BMP2K: variants seen among roughly 807,000 people sequenced by gnomAD.
BMP2K encodes the protein BMP2 inducible kinase, also known as BMP-2-inducible protein kinase.
A neutral mutation model predicts 116.0 loss-of-function variants in BMP2K; 74 were observed. The ratio of observed to expected loss-of-function variants is 0.64; its 90% CI spans 0.53 to 0.77. The LOEUF is 0.77. Among genes scored for constraint, BMP2K ranks in the 30% least tolerant of loss-of-function variants. The pLI is 0.00. For synonymous variants in BMP2K, 486 were observed against 502.5 expected, an observed-to-expected ratio of 0.97 and a Z score of 0.44; for missense variants, 1,365 against 1,403.6, an observed-to-expected ratio of 0.97 and a Z score of 0.44.
At chr4:78,851,162 T>C (rs770904934) in intron 7 of BMP2K, 106 bp downstream of exon 7, 8 of 1,189,550 alleles carry the variant, frequency 6.7e-6, no homozygotes, top group Non-Finnish European at 8.9e-6. Flanking sequence ...ATATGAAAAT[T>C]TTGTGAAACT....
chr4:78,788,379 T>TC (rs2109928357), intron 1 of BMP2K, among the ~76,000 whole-genome samples: 1 of 150,812 alleles, frequency 6.6e-6, no homozygotes, highest in East Asian at 1.9e-4. Flanking sequence ...TCTAAGGATT[T>TC]TTTTTTTTTT....
At chr4:78,823,016 A>G (rs1729696454) in intron 1 of BMP2K, among the ~76,000 whole-genome samples, 1 of 152,178 alleles carries the variant, frequency 6.6e-6, no homozygotes, top group African/African-American at 2.4e-5. Flanking sequence ...AAAAGATAGT[A>G]CTGGGGAAAA....
intron 3 of BMP2K, among the ~76,000 whole-genome samples, chr4:78,839,075 TAAA>T (rs1205562760): frequency 6.6e-6 from 1 of 152,126 alleles, no homozygotes; most frequent in Non-Finnish European, 1.5e-5. Context: ...TTTGCTTAAT[TAAA>T]AAAAATTCCA....
Position 78,847,257 on chromosome 4 carries a change from G to C in BMP2K, c.738G>C (p.Lys246Asn), listed in dbSNP as rs759809501. ...ATGGAGGGAAACCCATCACCACCAA[G>C]GCTGATATCTGGGTAAGGCCAAGAA... ...NLYGGKPITT[K>N]ADIWALGCLL... Residue 246 changes from lysine (K) to asparagine (N), a missense_variant, in exon 6 of 16, where the codon AAG becomes AAC. Transcript: ENST00000502613. 30 of 1,591,548 alleles carry C rather than the reference G, an allele frequency of 1.9e-5. No homozygotes were observed. The highest frequency in any genetic ancestry group is 2.5e-5 in the Non-Finnish European group (29 of 1,167,834).
chr4:78,823,385 C>G (rs938640445), intron 1 of BMP2K, among the ~76,000 whole-genome samples: 11 of 151,586 alleles, frequency 7.3e-5, no homozygotes, highest in African/African-American at 2.4e-4. Context: ...TGGGGGAACT[C>G]TTTTCCCTCT....
At chr4:78,779,897 A>G (rs989865557) in intron 1 of BMP2K, among the ~76,000 whole-genome samples, 2 of 152,208 alleles carry the variant, frequency 1.3e-5, no homozygotes, top group African/African-American at 2.4e-5. Flanking sequence ...GACTGATAAC[A>G]TAGTGAGGCA....
At position 78,871,916 on chromosome 4, in the gene BMP2K, C is replaced by T. The variant is rs1339058626; in HGVS notation, c.1576C>T (p.Pro526Ser). Residue 526 changes from proline to serine, a missense_variant, in exon 12 of 16, where the codon CCA (proline) becomes TCA (serine). Pro to Ser is a moderately conservative substitution (Grantham distance 74). This residue lies in a region of BMP2K where 762 missense variants were observed against 756.7 expected (regional missense o/e 1.01). Coordinates refer to ENST00000502613, the MANE Select transcript of BMP2K (RefSeq NM_198892.2). ...ATTTTTAATGCATTCGGTATATCAA[C>T]CACAACCTTCTGCATCACAGTATCC... is the stretch of plus-strand genomic sequence containing the variant. Reference protein sequence around the residue: ...QQFLMHSVYQPQPSASQYPTM... With the variant: ...QQFLMHSVYQSQPSASQYPTM... 1.9e-6 allele frequency: 3 copies of T among 1,612,144 alleles called. No individual in the cohort carries two copies. Among genetic ancestry groups the T allele is most frequent in the Non-Finnish European group, 2.5e-6 (3 of 1,178,884 alleles).
intron 4 of BMP2K, among the ~76,000 whole-genome samples, chr4:78,843,117 T>TATTGCTAGAG (rs1730839384): frequency 6.6e-6 from 1 of 151,996 alleles, no homozygotes; most frequent in African/African-American, 2.4e-5. Flanking sequence ...TCTGGCATTA[T>TATTGCTAGAG]ATTGCTAGAG....
intron 15 of BMP2K, among the ~76,000 whole-genome samples, chr4:78,899,981 A>T (rs536275021): frequency 6.6e-6 from 1 of 152,264 alleles, no homozygotes; most frequent in South Asian, 2.1e-4. Flanking sequence ...GTGAGTGTTG[A>T]TATATACAGT....
chr4:78,887,334 AC>A, intron 15 of BMP2K, 50 bp downstream of exon 15: 1 of 1,315,126 alleles, frequency 7.6e-7, no homozygotes. Flanking sequence ...ACACACAAGA[AC>A]AACAGCAAAA....
intron 1 of BMP2K, among the ~76,000 whole-genome samples, chr4:78,790,144 G>A (rs1301985477): frequency 6.6e-6 from 1 of 152,120 alleles, no homozygotes; most frequent in Non-Finnish European, 1.5e-5. Context: ...CCTTAAAAAT[G>A]ACATGACATT....
At position 78,870,946 on chromosome 4, in the gene BMP2K, GCAGCAGCAACAGCAA is replaced by G. The variant is rs766562226; in HGVS notation, c.1404_1418del (p.Gln482_Gln486del). The stretch of plus-strand genomic sequence containing the variant: ...ATCCTCACCAGCAGCAGCAGCAGCA[GCAGCAGCAACAGCAA>G]CAGCAGCAGCAGCAACAGCAACAGC... On this transcript the variant is annotated inframe_deletion, in exon 11 of 16. Coordinates refer to ENST00000502613, the MANE Select transcript of BMP2K (RefSeq NM_198892.2). 9 of 1,610,758 alleles carry G rather than the reference GCAGCAGCAACAGCAA, an allele frequency of 5.6e-6. No individual in the cohort carries two copies. Among genetic ancestry groups the G allele is most frequent in the Middle Eastern group, 3.3e-4 (2 of 6,038 alleles).
At chr4:78,778,221 A>T (rs1284080407) in intron 1 of BMP2K, among the ~76,000 whole-genome samples, 1 of 152,226 alleles carries the variant, frequency 6.6e-6, no homozygotes, top group Non-Finnish European at 1.5e-5. Flanking sequence ...AATAGAAAAA[A>T]AATACTGACA....
intron 2 of BMP2K, among the ~76,000 whole-genome samples, chr4:78,827,760 A>AAAAAC (rs536489013): frequency 0.02 from 2,979 of 151,530 alleles, 91 homozygotes; most frequent in African/African-American, 0.067. Context: ...CCATTACTGT[A>AAAAAC]AAAACAAAAC....
At chr4:78,813,900 C>G (rs1474284430) in intron 1 of BMP2K, among the ~76,000 whole-genome samples, 1 of 152,164 alleles carries the variant, frequency 6.6e-6, no homozygotes, top group Admixed American at 6.5e-5. Flanking sequence ...GGGCAGTTCT[C>G]TGATTTGCTT....
At chr4:78,847,316 C>CT (rs747004970) in intron 6 of BMP2K, 47 bp downstream of exon 6, 2 of 1,409,140 alleles carry the variant, frequency 1.4e-6, no homozygotes, top group African/African-American at 1.5e-5. Context: ...ATTAAAAAAT[C>CT]TGAGTTCAGT....
chr4:78,859,830 T>G, intron 8 of BMP2K, 143 bp downstream of exon 8: 1 of 632,842 alleles, frequency 1.6e-6, no homozygotes, highest in Admixed American at 2.9e-5. Flanking sequence ...TGATTGTGTG[T>G]TTGATATTTG....
chr4:78,842,136 G>A (rs1360955872), intron 3 of BMP2K, among the ~76,000 whole-genome samples: 1 of 152,026 alleles, frequency 6.6e-6, no homozygotes, highest in Non-Finnish European at 1.5e-5. Context: ...GATCTCAGAC[G>A]TGTTAAAGAA....
intron 1 of BMP2K, among the ~76,000 whole-genome samples, chr4:78,778,565 A>AG (rs1386430325): frequency 6.6e-6 from 1 of 152,224 alleles, no homozygotes; most frequent in Non-Finnish European, 1.5e-5. Flanking sequence ...ATTTCCTAGA[A>AG]GGGAGGCCAA....
Sources: gnomAD v4.1 joint callset for allele counts (sites outside exome capture counted in the v4.1 genomes callset) on GRCh38, gnomAD v4.1.1 for gene constraint, gnomAD v4.1.1 regional missense constraint, MANE v1.5 for transcripts, NCBI Gene and HGNC (gene_info 2026-07-23, HGNC 2026-07-21) for gene names.